Variants in ARHGEF17 observed in about 807,000 individuals in gnomAD.
The protein encoded by ARHGEF17 is 164 kDa Rho-specific guanine-nucleotide exchange factor.
In ARHGEF17, 80 loss-of-function variants were observed where a neutral mutation model predicts 174.0. That is an observed-to-expected ratio of 0.46 (90% CI 0.38 to 0.55). The LOEUF is 0.55. ARHGEF17 is among the 20% of genes least tolerant of loss of function. The probability of loss-of-function intolerance (pLI) is 0.00; values close to 1 mark genes in which losing one functional copy is unlikely to be tolerated. For missense variants in ARHGEF17, 2,886 were observed against 2,839.7 expected, an observed-to-expected ratio of 1.02 and a Z score of -0.37; for synonymous variants, 1,311 against 1,189.1, an observed-to-expected ratio of 1.10 and a Z score of -2.11.
rs770598516 is a variant in ARHGEF17 at position 73,309,313 on chromosome 11, C to T, written c.675C>T (p.Ala225=). 2.5e-6 allele frequency: 4 copies of T among 1,606,208 alleles called. No homozygotes were observed. The highest frequency in any genetic ancestry group is 3.4e-6 in the Non-Finnish European group (4 of 1,179,096). ...GGCATATCTTCTCCCAACCGCAGGC[C>T]GGGGCCCGGGCCTCCTGCTCCTCCT... The part of the protein sequence containing the change: ...HSWHIFSQPQ[A]GARASCSSSS... Residue 225 remains alanine (A), a synonymous_variant, in exon 1 of 21, where the codon GCC becomes GCT. Coordinates refer to ENST00000263674, the MANE Select transcript of ARHGEF17 (RefSeq NM_014786.4).
Position 73,364,843 on chromosome 11 carries a change from T to G in ARHGEF17, c.5550+243T>G, listed in dbSNP as rs535589677. 4.7e-5 allele frequency: 23 copies of G among 491,038 alleles called. No individual in the cohort carries two copies. The East Asian group carries it at 7.9e-4, about 17-fold the overall frequency. The allele number at this position is 491,038 out of a possible 1,614,324, so 30.4% of individuals were successfully genotyped here. A position where few individuals can be genotyped will look rare whatever the true frequency, so the allele number is the denominator to read the frequency against. ...ATCTTATTCATCCTCCTGCCCACCC[T>G]ATCTCTCAACTCAGGTTTTAGGGTC... is the stretch of plus-strand genomic sequence containing the variant. On this transcript the variant is annotated intron_variant, in intron 18 of 20. Coordinates refer to ENST00000263674, the MANE Select transcript of ARHGEF17 (RefSeq NM_014786.4).
chr11:73,349,225 G>A (rs959088067), intron 2 of ARHGEF17, among the ~76,000 whole-genome samples: 1 of 152,190 alleles, frequency 6.6e-6, no homozygotes, highest in African/African-American at 2.4e-5. Flanking sequence ...AGTCACGTGC[G>A]TCCTCACTGG....
chr11:73,362,575 G>C lies in ARHGEF17; in HGVS notation c.4837G>C (p.Ala1613Pro). The C allele has an allele frequency of 6.2e-7, 1 of 1,609,952 alleles. No homozygotes were observed. The highest frequency in any genetic ancestry group is 1.7e-5 in the Admixed American group (1 of 59,996). Reference protein sequence around the residue: ...GPQPCLHISIAGSGLEMTPGL... With the variant: ...GPQPCLHISIPGSGLEMTPGL... ...GCAGCCCTGCCTTCACATCTCCATT[G>C]CAGGCTCGGGCTTGGAGATGACGCC... Residue 1613 changes from alanine (A) to proline (P), a missense_variant, in exon 14 of 21, where the codon GCA (alanine) becomes CCA (proline). Physicochemically the swap from Ala to Pro is conservative, Grantham distance 27. This residue lies in a region of ARHGEF17 where 476 missense variants were observed against 473.1 expected (regional missense o/e 1.01). Coordinates refer to ENST00000263674, the MANE Select transcript of ARHGEF17 (RefSeq NM_014786.4).
Position 73,356,160 on chromosome 11 carries a change from C to T in ARHGEF17, c.3664-15C>T. 6.2e-7 allele frequency: 1 copy of T among 1,613,438 alleles called. No individual in the cohort carries two copies. Among genetic ancestry groups the T allele is most frequent in the East Asian group, 2.2e-5 (1 of 44,856 alleles). On this transcript the variant is annotated splice_polypyrimidine_tract_variant and intron_variant, in intron 5 of 20. Transcript: ENST00000263674. ...GTAGCTAAGCAGTCAGGTCTGCTCCCCATTCCCACCCCAGGACCTCCTGAA... is the reference window on the plus strand; with the variant it reads ...GTAGCTAAGCAGTCAGGTCTGCTCCTCATTCCCACCCCAGGACCTCCTGAA...
At chr11:73,354,898 G>A (rs540798072) in intron 3 of ARHGEF17, among the ~76,000 whole-genome samples, 2 of 152,360 alleles carry the variant, frequency 1.3e-5, no homozygotes, top group African/African-American at 4.8e-5. Flanking sequence ...GCCACCAGCT[G>A]TATGTCCTGC....
Position 73,312,466 on chromosome 11 carries a change from A to T in ARHGEF17, c.3192+636A>T, listed in dbSNP as rs1253886914. On this transcript the variant is annotated intron_variant, in intron 1 of 20. Transcript: ENST00000263674. Reference sequence around the variant, plus strand: ...TCTCTGTGACTTAATCTCCCCAATCAGGGGAGATAGGTGGACAAACTAGTG... The same window carrying T: ...TCTCTGTGACTTAATCTCCCCAATCTGGGGAGATAGGTGGACAAACTAGTG... 5.9e-5 allele frequency among the ~76,000 whole-genome samples: 9 copies of T among 152,134 alleles called. No individual in the cohort carries two copies. In the South Asian group the frequency reaches 1.2e-3, roughly 21 times the overall value.
intron 12 of ARHGEF17, 64 bp downstream of exon 12, chr11:73,361,225 T>G: frequency 6.7e-7 from 1 of 1,482,784 alleles, no homozygotes. Flanking sequence ...CATGAATTTT[T>G]GTGTACGACA....
chr11:73,337,210 G>T (rs1283538964), intron 1 of ARHGEF17, among the ~76,000 whole-genome samples: 2 of 152,152 alleles, frequency 1.3e-5, no homozygotes, highest in Non-Finnish European at 2.9e-5. Context: ...AAGATTGCTT[G>T]ATCCCAGGAG....
chr11:73,309,923 C>CGGTCCCA lies in ARHGEF17; in HGVS notation c.1288_1294dup (p.Ala432ValfsTer15). 6.2e-7 allele frequency: 1 copy of CGGTCCCA among 1,613,338 alleles called. No individual in the cohort carries two copies. Among genetic ancestry groups the CGGTCCCA allele is most frequent in the Non-Finnish European group, 8.5e-7 (1 of 1,179,750 alleles). On this transcript the variant is annotated frameshift_variant, in exon 1 of 21. Transcript: ENST00000263674. LOFTEE classifies it high-confidence loss of function. ...CTTTGGAGCTGGGGAAGGGCTCCTG[C>CGGTCCCA]GGTCCCAGGCTCGAACCCGTGCCAA... is the stretch of plus-strand genomic sequence containing the variant.
intron 1 of ARHGEF17, among the ~76,000 whole-genome samples, chr11:73,336,010 C>T (rs187264525): frequency 6.6e-6 from 1 of 152,310 alleles, no homozygotes; most frequent in East Asian, 1.9e-4. Flanking sequence ...ACATTGAGAC[C>T]GTCCTATTTC....
intron 1 of ARHGEF17, among the ~76,000 whole-genome samples, chr11:73,313,610 C>T (rs908150896): frequency 2.0e-5 from 3 of 152,218 alleles, no homozygotes; most frequent in African/African-American, 4.8e-5. Context: ...ATAACATGGG[C>T]TTCTCCCTGC....
chr11:73,312,014 G>A (rs1342894964), intron 1 of ARHGEF17, among the ~76,000 whole-genome samples, 184 bp downstream of exon 1: 1 of 152,206 alleles, frequency 6.6e-6, no homozygotes, highest in African/African-American at 2.4e-5. Context: ...TGTCTACTCA[G>A]GCCCTGTAGA....
At chr11:73,327,175 G>C (rs936509342) in intron 1 of ARHGEF17, among the ~76,000 whole-genome samples, 3 of 152,142 alleles carry the variant, frequency 2.0e-5, no homozygotes, top group African/African-American at 7.2e-5. Context: ...CAAACTGTTG[G>C]AGTGGTGGGA....
rs1864834866 is a variant in ARHGEF17, at chr11:73,311,525, C to T, written c.2887C>T (p.Pro963Ser). ...CAGACACGTTCGCCATGCCAGTGTG[C>T]CCGCCACATTTATGCCTATTGTGGT... ...SSRHVRHASV[P>S]ATFMPIVVPE... The change falls in exon 1 of 21, where the codon CCC becomes TCC. Residue 963 changes from proline to serine, a missense_variant. Pro to Ser is a moderately conservative substitution (Grantham distance 74). Around this residue, in one of 4 missense-constraint regions of ARHGEF17, gnomAD observed 1,728 missense variants for 1,461.2 expected, o/e 1.18. Transcript: ENST00000263674. 6.2e-7 allele frequency: 1 copy of T among 1,613,468 alleles called. No individual in the cohort carries two copies. Among genetic ancestry groups the T allele is most frequent in the Non-Finnish European group, 8.5e-7 (1 of 1,180,034 alleles).
At chr11:73,355,030 A>T (rs147560558) in intron 3 of ARHGEF17, among the ~76,000 whole-genome samples, 260 of 152,334 alleles carry the variant, frequency 1.7e-3, no homozygotes, top group African/African-American at 6.1e-3. Context: ...CTAGTCAGGG[A>T]AAGGAGTACT....
intron 3 of ARHGEF17, among the ~76,000 whole-genome samples, chr11:73,353,672 G>A (rs1304107267): frequency 2.0e-5 from 3 of 151,924 alleles, no homozygotes; most frequent in African/African-American, 4.8e-5. Context: ...CCAGTGCCCC[G>A]GCTTCCCCTA....
At position 73,365,400 on chromosome 11, in the gene ARHGEF17, A is replaced by G. The variant is rs149858654; in HGVS notation, c.5561A>G (p.Tyr1854Cys). Residue 1854 changes from tyrosine (Y) to cysteine (C), a missense_variant, in exon 19 of 21, where the codon TAC (tyrosine) becomes TGC (cysteine). By Grantham distance (194) the Tyr-to-Cys change is radical (BLOSUM62 -2). Transcript: ENST00000263674. This position sits in a 1 kb window ranked among gnomAD's most constrained non-coding sequence, Gnocchi z 4.9. ...CCCCGCCTTCCCCAGCACATGTTTT[A>G]CGTGGGTCAGGATTCAAGCCGCTGC... ...PDTLQLEHMF[Y>C]VGQDSSRCVA... 1 of 1,613,750 alleles carries G rather than the reference A, an allele frequency of 6.2e-7. No homozygotes were observed. Among genetic ancestry groups the G allele is most frequent in the African/African-American group, 1.3e-5 (1 of 74,902 alleles).
rs143486822 is a variant in ARHGEF17, at chr11:73,363,364, G to C, written c.5155G>C (p.Gly1719Arg). 1 of 1,613,078 alleles carries C rather than the reference G, an allele frequency of 6.2e-7. No homozygotes were observed. The highest frequency in any genetic ancestry group is 1.1e-5 in the South Asian group (1 of 91,036). ...GAGAGCCCTTCGCCGCTCCAGCCAC[G>C]GCTCCTTCACCCGGGGCAGCCTTGA... ...DGRALRRSSH[G>R]SFTRGSLEDL... is the part of the protein sequence containing the mutation. The change falls in exon 15 of 21, where the codon GGC (glycine) becomes CGC (arginine). Residue 1719 changes from glycine (G) to arginine (R), a missense_variant. This residue lies in a region of ARHGEF17 where 476 missense variants were observed against 473.1 expected (regional missense o/e 1.01). Transcript: ENST00000263674.
At chr11:73,330,436 T>G (rs548392440) in intron 1 of ARHGEF17, among the ~76,000 whole-genome samples, 19 of 152,388 alleles carry the variant, frequency 1.2e-4, no homozygotes, top group African/African-American at 4.6e-4. Context: ...GGTTTGGAAT[T>G]TATCCTGGTG....
Sources: gnomAD v4.1 joint callset for allele counts (sites outside exome capture counted in the v4.1 genomes callset) on GRCh38, gnomAD v4.1.1 for gene constraint, gnomAD v4.1.1 regional missense constraint, Gnocchi (gnomAD v3.1) non-coding constraint, MANE v1.5 for transcripts, NCBI Gene and HGNC (gene_info 2026-07-23, HGNC 2026-07-21) for gene names.